RNGTT: variants seen among roughly 807,000 people sequenced by gnomAD.
The protein encoded by RNGTT is mRNA-capping enzyme.
Under a neutral mutation model 79.3 loss-of-function variants are expected in RNGTT, and 33 were observed. That is an observed-to-expected ratio of 0.42 (90% CI 0.32 to 0.56). The LOEUF is 0.56. Among genes scored for constraint, RNGTT ranks in the 20% least tolerant of loss-of-function variants. The pLI, the probability that RNGTT is intolerant of heterozygous loss-of-function variation, is 0.17. For missense variants in RNGTT, 497 were observed against 739.1 expected (o/e 0.67, Z 3.80); for synonymous variants, 222 against 235.9 (o/e 0.94, Z 0.54).
intron 8 of RNGTT, among the ~76,000 whole-genome samples, chr6:88,889,028 C>CA (rs1424192902): frequency 6.6e-6 from 1 of 151,952 alleles, no homozygotes; most frequent in Admixed American, 6.6e-5. Context: ...AAACCCGTCT[C>CA]AAAAAATAAT....
intron 2 of RNGTT, among the ~76,000 whole-genome samples, chr6:88,938,061 G>A (rs531462367): frequency 2.0e-4 from 31 of 152,234 alleles, no homozygotes; most frequent in African/African-American, 2.4e-4. Context: ...TTAGTCTAAT[G>A]TGCACTTTAA....
chr6:88,699,049 C>A (rs903313284), intron 13 of RNGTT, among the ~76,000 whole-genome samples: 3 of 152,120 alleles, frequency 2.0e-5, no homozygotes, highest in African/African-American at 7.2e-5. Context: ...GTCTCACTTA[C>A]CCTCGTGGTG....
chr6:88,847,564 C>T (rs1002544811), intron 10 of RNGTT, among the ~76,000 whole-genome samples: 1 of 151,986 alleles, frequency 6.6e-6, no homozygotes, highest in African/African-American at 2.4e-5. Flanking sequence ...ATTATAAATG[C>T]ATCCCAATAT....
intron 6 of RNGTT, among the ~76,000 whole-genome samples, chr6:88,892,162 T>C (rs1351922155): frequency 6.6e-6 from 1 of 152,034 alleles, no homozygotes; most frequent in East Asian, 1.9e-4. Flanking sequence ...ATCATAACAG[T>C]AATAATAATT....
At chr6:88,685,262 C>T (rs1011441821) in intron 13 of RNGTT, among the ~76,000 whole-genome samples, 8 of 152,120 alleles carry the variant, frequency 5.3e-5, no homozygotes, top group African/African-American at 1.9e-4. Flanking sequence ...CACTATAAAA[C>T]ACAGCTAAAC....
At chr6:88,870,250 T>C (rs924444752) in intron 8 of RNGTT, among the ~76,000 whole-genome samples, 13 of 152,134 alleles carry the variant, frequency 8.5e-5, no homozygotes, top group African/African-American at 3.1e-4. Context: ...CAAATTACCA[T>C]CAAACATGCA....
chr6:88,614,470 A>T (rs1772147909), intron 14 of RNGTT, 75 bp from the exon 15 acceptor site: 1 of 1,400,250 alleles, frequency 7.1e-7, no homozygotes, highest in South Asian at 1.2e-5. Flanking sequence ...TGACAGGCAC[A>T]TTAGGAAATG....
At chr6:88,784,514 C>T (rs1279388438) in intron 12 of RNGTT, among the ~76,000 whole-genome samples, 2 of 152,054 alleles carry the variant, frequency 1.3e-5, no homozygotes, top group Non-Finnish European at 2.9e-5. Flanking sequence ...AAAATAGTTT[C>T]AGGCAGAAGA....
intron 13 of RNGTT, among the ~76,000 whole-genome samples, chr6:88,735,201 TAAAAGA>T (rs1777244273): frequency 6.6e-6 from 1 of 152,032 alleles, no homozygotes; most frequent in Non-Finnish European, 1.5e-5. Flanking sequence ...CTAATGGAAT[TAAAAGA>T]GAAGCAAATC....
intron 11 of RNGTT, among the ~76,000 whole-genome samples, chr6:88,841,149 C>A (rs534802616): frequency 1.2e-4 from 18 of 152,288 alleles, no homozygotes; most frequent in African/African-American, 4.3e-4. Flanking sequence ...TTGGACAGGG[C>A]ACAGTAGTAC....
chr6:88,822,769 A>C (rs1780535492), intron 11 of RNGTT, among the ~76,000 whole-genome samples: 1 of 152,206 alleles, frequency 6.6e-6, no homozygotes, highest in Admixed American at 6.5e-5. Flanking sequence ...GCAATTAAAA[A>C]CAGGTGATCA....
chr6:88,924,341 T>C (rs546480988), intron 4 of RNGTT, among the ~76,000 whole-genome samples: 2 of 152,378 alleles, frequency 1.3e-5, no homozygotes, highest in African/African-American at 4.8e-5. Flanking sequence ...TCTTGGCTTC[T>C]TGTATTTCAT....
chr6:88,801,184 TAG>T (rs759171670), intron 12 of RNGTT, among the ~76,000 whole-genome samples: 5 of 152,176 alleles, frequency 3.3e-5, no homozygotes, highest in African/African-American at 4.8e-5. Context: ...AATGAAGTTT[TAG>T]AGAGATTAAT....
intron 12 of RNGTT, among the ~76,000 whole-genome samples, chr6:88,778,158 T>C (rs1279135072): frequency 6.6e-6 from 1 of 152,176 alleles, no homozygotes; most frequent in Non-Finnish European, 1.5e-5. Context: ...GGATTTTAAA[T>C]GTATTCTGAG....
At chr6:88,618,222 C>T (rs984995266) in intron 14 of RNGTT, among the ~76,000 whole-genome samples, 1 of 152,278 alleles carries the variant, frequency 6.6e-6, no homozygotes, top group African/African-American at 2.4e-5. Flanking sequence ...AACGTATTTC[C>T]GTATTTAAGA....
intron 13 of RNGTT, among the ~76,000 whole-genome samples, chr6:88,758,523 C>G (rs1310698690): frequency 6.6e-6 from 1 of 152,124 alleles, no homozygotes; most frequent in Non-Finnish European, 1.5e-5. Context: ...TTTGATGAAA[C>G]TGACATATTT....
intron 6 of RNGTT, among the ~76,000 whole-genome samples, chr6:88,892,201 A>C (rs1783073867): frequency 6.6e-6 from 1 of 152,074 alleles, no homozygotes; most frequent in African/African-American, 2.4e-5. Flanking sequence ...ATCCAAGCAG[A>C]ATGTCTGGCA....
chr6:88,677,405 T>C (rs1476007090), intron 14 of RNGTT, among the ~76,000 whole-genome samples: 1 of 152,082 alleles, frequency 6.6e-6, no homozygotes, highest in Admixed American at 6.5e-5. Context: ...ACTACAAGCA[T>C]GTCATAATTT....
At chr6:88,949,095 C>A (rs2127962475) in intron 1 of RNGTT, among the ~76,000 whole-genome samples, 2 of 86,880 alleles carry the variant, frequency 2.3e-5, no homozygotes, top group African/African-American at 9.2e-5. Flanking sequence ...GAGAAACACC[C>A]AAGAATTATC....
Sources: allele counts gnomAD v4.1 joint callset (sites outside exome capture counted in the v4.1 genomes callset), GRCh38; gene constraint gnomAD v4.1.1; transcripts MANE v1.5; gene names NCBI Gene and HGNC (gene_info 2026-07-23, HGNC 2026-07-21).